The following ABCB8 variants were observed in gnomAD, a reference collection of about 807,000 sequenced individuals.
ABCB8 encodes the protein ATP binding cassette subfamily B member 8.
A neutral mutation model predicts 73.0 loss-of-function variants in ABCB8; 52 were observed. That is an observed-to-expected ratio of 0.71 (90% CI 0.57 to 0.90). The LOEUF (loss-of-function observed/expected upper bound fraction) is 0.90, where lower values mean the gene tolerates loss of function less well. Among genes scored for constraint, ABCB8 ranks in the 40% least tolerant of loss-of-function variants. The probability of loss-of-function intolerance (pLI) is 0.00; values close to 1 mark genes in which losing one functional copy is unlikely to be tolerated. For synonymous variants in ABCB8, 428 were observed against 423.5 expected (o/e 1.01, Z -0.13); for missense variants, 909 against 974.6 (o/e 0.93, Z 0.90).
Position 151,044,086 on chromosome 7 carries a change from A to G in ABCB8, c.1881A>G (p.Ala627=), listed in dbSNP as rs780459141. 8 of 1,613,720 alleles carry G rather than the reference A, an allele frequency of 5.0e-6. No homozygotes were observed. In the African/African-American group the frequency reaches 8.0e-5, roughly 16 times the overall value. ...ILDEATSALD[A]ESERVVQEAL... is the part of the protein sequence containing the mutation. ...ATGAAGCTACCAGCGCGCTGGATGC[A>G]GAGTCCGAGCGGGTTGTACAGGAGG... Residue 627 remains alanine (A), a synonymous_variant, in exon 15 of 16, where the codon GCA becomes GCG. Coordinates refer to ENST00000358849, the MANE Select transcript of ABCB8 (RefSeq NM_007188.5).
At position 151,035,697 on chromosome 7, in the gene ABCB8, G is replaced by GA; in HGVS notation, c.883dup (p.Met295AsnfsTer136). On this transcript the variant is annotated frameshift_variant, in exon 6 of 16. Transcript: ENST00000358849. LOFTEE classifies it high-confidence loss of function. ...CAGCCCTGATGGGAGTGGGCACCCT[G>GA]ATGGGCTCAGGCCTCCGAAAATTGT... 6.2e-7 allele frequency: 1 copy of GA among 1,613,672 alleles called. No individual in the cohort carries two copies. Among genetic ancestry groups the GA allele is most frequent in the South Asian group, 1.1e-5 (1 of 91,084 alleles).
chr7:151,043,276 C>A (rs1796516491), intron 14 of ABCB8, among the ~76,000 whole-genome samples: 1 of 152,344 alleles, frequency 6.6e-6, no homozygotes, highest in Admixed American at 6.5e-5. Context: ...TGCACCAAGC[C>A]CTGCTGGCGG....
At chr7:151,035,993 AAGC>A (rs772359324) in intron 7 of ABCB8, 26 bp downstream of exon 7, 1 of 1,613,480 alleles carries the variant, frequency 6.2e-7, no homozygotes, top group East Asian at 2.2e-5. Context: ...GCGGAGCACA[AAGC>A]AGAGATGCCC....
chr7:151,030,210 C>T (rs1345233580), intron 1 of ABCB8, among the ~76,000 whole-genome samples: 1 of 152,224 alleles, frequency 6.6e-6, no homozygotes, highest in African/African-American at 2.4e-5. Context: ...TTTAGTTGGT[C>T]AGGACCATTT....
At chr7:151,042,465 C>G (rs188204945) in intron 14 of ABCB8, among the ~76,000 whole-genome samples, 64 of 152,332 alleles carry the variant, frequency 4.2e-4, no homozygotes, top group Admixed American at 3.7e-3. Flanking sequence ...CTTCCCCAGA[C>G]TGAACAGAAG....
intron 2 of ABCB8, 25 bp downstream of exon 2, chr7:151,033,942 C>A: frequency 6.4e-7 from 1 of 1,560,996 alleles, no homozygotes; most frequent in Admixed American, 1.8e-5. Flanking sequence ...ACTTCTCCAT[C>A]CTGGGGACAG....
At chr7:151,031,173 T>G (rs1796151206) in intron 1 of ABCB8, 1 of 1,002,436 alleles carries the variant, frequency 1.0e-6, no homozygotes, top group African/African-American at 1.6e-5. Context: ...GCATAAACAT[T>G]TGCGGAACAT....
intron 9 of ABCB8, chr7:151,037,055 C>T (rs1056787781): frequency 1.4e-6 from 1 of 691,060 alleles, no homozygotes; most frequent in East Asian, 2.7e-5. Flanking sequence ...GCCTCCAGAA[C>T]TCTTACCTGG....
rs757060376 is a variant in ABCB8 at position 151,034,709 on chromosome 7, CT to C, written c.660-13del. Reference sequence around the variant, plus strand: ...CCCTCTTCTGCCCTCCTTATTGGTTCTTGTCCCATGCCAGACAAGACATCAC... The same window carrying C: ...CCCTCTTCTGCCCTCCTTATTGGTTCTGTCCCATGCCAGACAAGACATCAC... On this transcript the variant is annotated splice_polypyrimidine_tract_variant and intron_variant, in intron 4 of 15. Coordinates refer to ENST00000358849, the MANE Select transcript of ABCB8 (RefSeq NM_007188.5). 3.7e-6 allele frequency: 6 copies of C among 1,613,496 alleles called. No homozygotes were observed. The East Asian group carries it at 6.7e-5, about 18-fold the overall frequency.
At chr7:151,043,036 T>C (rs1380445918) in intron 14 of ABCB8, among the ~76,000 whole-genome samples, 1 of 152,208 alleles carries the variant, frequency 6.6e-6, no homozygotes, top group African/African-American at 2.4e-5. Flanking sequence ...TGAGGTTCTT[T>C]TTGGCTCCCA....
At chr7:151,031,406 T>G (rs778645294) in intron 1 of ABCB8, 187 of 1,371,270 alleles carry the variant, frequency 1.4e-4, no homozygotes, top group Non-Finnish European at 1.8e-4. Flanking sequence ...GGCACAGGCC[T>G]TCCTGAAAGC....
chr7:151,041,126 A>G lies in ABCB8; in HGVS notation c.1511A>G (p.Glu504Gly). Reference sequence around the variant, plus strand: ...AAGACCACCGTGGCTTCCCTGCTGGAGCGCTTCTACGACCCCACGGCAGGC... The same window carrying G: ...AAGACCACCGTGGCTTCCCTGCTGGGGCGCTTCTACGACCCCACGGCAGGC... ...GGKTTVASLL[E>G]RFYDPTAGVV... Residue 504 changes from glutamate to glycine, a missense_variant, in exon 13 of 16, where the codon GAG becomes GGG. Transcript: ENST00000358849. The G allele has an allele frequency of 6.2e-7, 1 of 1,613,304 alleles. No homozygotes were observed. Among genetic ancestry groups the G allele is most frequent in the Non-Finnish European group, 8.5e-7 (1 of 1,179,968 alleles).
Position 151,033,622 on chromosome 7 carries a change from G to A in ABCB8, c.113G>A (p.Arg38His), listed in dbSNP as rs528488908. The A allele has an allele frequency of 6.9e-6, 11 of 1,583,404 alleles. No homozygotes were observed. Among genetic ancestry groups the A allele is most frequent in the Admixed American group, 5.2e-5 (3 of 57,156 alleles). The change falls in exon 2 of 16, where the codon CGC becomes CAC. Residue 38 changes from arginine to histidine, a missense_variant. Physicochemically the swap from Arg to His is conservative, Grantham distance 29. Transcript: ENST00000358849. ...FSAVRYSDGY[R>H]SSSLLRAVAH... Reference sequence around the variant, plus strand: ...CCTTACAGGTACTCTGATGGCTACCGCAGCTCCTCCCTCCTCCGGGCCGTG... The same window carrying A: ...CCTTACAGGTACTCTGATGGCTACCACAGCTCCTCCCTCCTCCGGGCCGTG...
Position 151,035,750 on chromosome 7 carries a change from C to T in ABCB8, c.927+8C>T, listed in dbSNP as rs769582444. 3.7e-6 allele frequency: 6 copies of T among 1,612,062 alleles called. No homozygotes were observed. The highest frequency in any genetic ancestry group is 3.3e-5 in the South Asian group (3 of 91,090). On this transcript the variant is annotated splice_region_variant and intron_variant, in intron 6 of 15. Coordinates refer to ENST00000358849, the MANE Select transcript of ABCB8 (RefSeq NM_007188.5). ...CGCCAGTGTCAGGAGCAGGTACCGG[C>T]ATTCCTGGCCATCCTCTTCACCCTC...
At chr7:151,044,289 T>C (rs1403894746) in intron 15 of ABCB8, 68 bp downstream of exon 15, 6 of 1,558,466 alleles carry the variant, frequency 3.8e-6, no homozygotes, top group East Asian at 2.3e-5. Flanking sequence ...GGCACAATGC[T>C]GCAATGAGTT....
chr7:151,037,857 C>A, intron 9 of ABCB8: 1 of 169,078 alleles, frequency 5.9e-6, no homozygotes. Flanking sequence ...GACGTTCCTC[C>A]CATTTCCGCA....
Position 151,041,190 on chromosome 7 carries a change from C to A in ABCB8, c.1575C>A (p.Asp525Glu), listed in dbSNP as rs1243702091. 6.2e-7 allele frequency: 1 copy of A among 1,608,218 alleles called. No individual in the cohort carries two copies. The highest frequency in any genetic ancestry group is 1.3e-5 in the African/African-American group (1 of 75,076). The change falls in exon 13 of 16, where the codon GAC becomes GAA. Residue 525 changes from aspartate to glutamate, a missense_variant. Coordinates refer to ENST00000358849, the MANE Select transcript of ABCB8 (RefSeq NM_007188.5). ...MLDGRDLRTL[D>E]PSWLRGQVVG... ...ATGGGCGGGACCTGCGCACCCTTGA[C>A]CCCTCCTGGCTCCGGGGCCAGGTTG...
Position 151,034,347 on chromosome 7 carries a change from G to C in ABCB8, c.483G>C (p.Lys161Asn). ...GCCAGCTGGTAGAGGTCGTGGCCAA[G>C]TACACAAGGGACCACGTAGGGAGTT... ...LLGQLVEVVA[K>N]YTRDHVGSFM... Residue 161 changes from lysine (K) to asparagine (N), a missense_variant, in exon 3 of 16, where the codon AAG (lysine) becomes AAC (asparagine). Lys to Asn is a moderately conservative substitution (Grantham distance 94, BLOSUM62 0). Coordinates refer to ENST00000358849, the MANE Select transcript of ABCB8 (RefSeq NM_007188.5). The C allele has an allele frequency of 6.2e-7, 1 of 1,613,898 alleles. No individual in the cohort carries two copies. Among genetic ancestry groups the C allele is most frequent in the Non-Finnish European group, 8.5e-7 (1 of 1,179,992 alleles).
chr7:151,033,481 G>A, intron 1 of ABCB8, 124 bp from the exon 2 acceptor site: 1 of 1,458,886 alleles, frequency 6.9e-7, no homozygotes, highest in Admixed American at 2.7e-5. Context: ...AGAAGGGCAG[G>A]GGCAAGGGCC....
Sources: allele counts gnomAD v4.1 joint callset (sites outside exome capture counted in the v4.1 genomes callset), GRCh38; gene constraint gnomAD v4.1.1; transcripts MANE v1.5; gene names NCBI Gene and HGNC (gene_info 2026-07-23, HGNC 2026-07-21).